ATP5MF: variants seen among roughly 807,000 people sequenced by gnomAD.
ATP5MF encodes ATP synthase F(0) complex subunit f, mitochondrial.
ATP5MF carries 10 observed loss-of-function variants against 13.8 expected under a neutral mutation model. The observed-to-expected ratio is 0.72, with a 90% CI of 0.45 to 1.23. The LOEUF (loss-of-function observed/expected upper bound fraction) is 1.23, where lower values mean the gene tolerates loss of function less well. Ranked by LOEUF, ATP5MF falls within the 50% of genes most tolerant of loss-of-function variation. The pLI, the probability that ATP5MF is intolerant of heterozygous loss-of-function variation, is 0.00. For missense variants in ATP5MF, 122 were observed against 118.2 expected (o/e 1.03, Z -0.15); for synonymous variants, 40 against 45.8 (o/e 0.87, Z 0.51).
chr7:99,462,958 G>A (rs1798684362), intron 1 of ATP5MF, among the ~76,000 whole-genome samples: 2 of 152,230 alleles, frequency 1.3e-5, no homozygotes, highest in Admixed American at 6.5e-5. Flanking sequence ...AGACCCTTGG[G>A]TCTAGTGCCA....
At chr7:99,465,282 A>AC (rs1798819343) in intron 1 of ATP5MF, among the ~76,000 whole-genome samples, 1 of 152,014 alleles carries the variant, frequency 6.6e-6, no homozygotes, top group South Asian at 2.1e-4. Context: ...ATAAAAAAAA[A>AC]CCAGAAACTG....
intron 1 of ATP5MF, among the ~76,000 whole-genome samples, chr7:99,464,306 G>A (rs1390517153): frequency 6.6e-6 from 1 of 152,192 alleles, no homozygotes; most frequent in East Asian, 1.9e-4. Context: ...TTACTGAGGG[G>A]AAAACAGCTT....
At chr7:99,461,019 G>A (rs967500879) in intron 1 of ATP5MF, among the ~76,000 whole-genome samples, 2 of 152,242 alleles carry the variant, frequency 1.3e-5, no homozygotes, top group African/African-American at 2.4e-5. Context: ...GCCCCAGATC[G>A]TATTCCAATG....
At chr7:99,459,117 C>T in intron 3 of ATP5MF, 30 bp downstream of exon 3, 1 of 1,561,594 alleles carries the variant, frequency 6.4e-7, no homozygotes, top group Non-Finnish European at 8.8e-7. Context: ...CTCATGGGAA[C>T]TAAAGGCAAG....
intron 3 of ATP5MF, among the ~76,000 whole-genome samples, chr7:99,458,641 G>A (rs1234894666): frequency 2.0e-5 from 3 of 152,044 alleles, no homozygotes; most frequent in Non-Finnish European, 2.9e-5. Context: ...AGGCAGGACC[G>A]CCCTGGTGCC....
chr7:99,460,454 C>G (rs1249094779), intron 1 of ATP5MF: 1 of 683,370 alleles, frequency 1.5e-6, no homozygotes, highest in East Asian at 2.9e-5. Flanking sequence ...GGGAGTAACT[C>G]CAGAAAAGGG....
intron 2 of ATP5MF, 72 bp from the exon 3 acceptor site, chr7:99,459,335 C>A: frequency 8.7e-7 from 1 of 1,148,230 alleles, no homozygotes; most frequent in South Asian, 1.2e-5. Context: ...ACAGTTGAGT[C>A]TGGCTGACAT....
chr7:99,460,424 C>A, intron 1 of ATP5MF: 1 of 696,234 alleles, frequency 1.4e-6, no homozygotes, highest in South Asian at 1.4e-5. Flanking sequence ...ACCAACAGGA[C>A]GTCTGAGTAA....
chr7:99,458,463 CAGAGAT>C (rs1302036190), intron 3 of ATP5MF, 108 bp from the exon 4 acceptor site: 1 of 1,196,730 alleles, frequency 8.4e-7, no homozygotes, highest in Non-Finnish European at 1.2e-6. Flanking sequence ...GAATTCCCTT[CAGAGAT>C]GACCCATGAC....
At chr7:99,459,980 G>T in intron 2 of ATP5MF, 106 bp downstream of exon 2, 3 of 1,300,294 alleles carry the variant, frequency 2.3e-6, no homozygotes, top group Non-Finnish European at 3.2e-6. Context: ...ATAACTTACT[G>T]CTTTCAGACA....
chr7:99,465,707 A>C (rs1408464625), intron 1 of ATP5MF, among the ~76,000 whole-genome samples: 3 of 152,228 alleles, frequency 2.0e-5, no homozygotes, highest in African/African-American at 7.2e-5. Context: ...GTACAGTCCT[A>C]GTCCTGAGCT....
chr7:99,459,921 A>G (rs1256517111), intron 2 of ATP5MF, 165 bp downstream of exon 2: 16 of 750,928 alleles, frequency 2.1e-5, no homozygotes, highest in Admixed American at 5.6e-5. Context: ...GAAAGGGCCA[A>G]TCAACCACAG....
chr7:99,459,086 G>A (rs1798474621), intron 3 of ATP5MF, 61 bp downstream of exon 3: 6 of 1,316,376 alleles, frequency 4.6e-6, no homozygotes, highest in Middle Eastern at 2.6e-4. Context: ...TGTATCTAAT[G>A]AAATCAGTCA....
chr7:99,464,426 G>A (rs1798751810), intron 1 of ATP5MF, among the ~76,000 whole-genome samples: 1 of 152,240 alleles, frequency 6.6e-6, no homozygotes. Context: ...CACTTTGGGA[G>A]GCTGAGGTGG....
chr7:99,459,206 A>T lies in ATP5MF; in HGVS notation c.197T>A (p.Ile66Asn), dbSNP rs1554369167. The T allele has an allele frequency of 6.2e-7, 1 of 1,614,058 alleles. No homozygotes were observed. The highest frequency in any genetic ancestry group is 8.5e-7 in the Non-Finnish European group (1 of 1,180,032). ...INVKKGSISG[I>N]TMVLACYVLF... ...CACGTAGCATGCCAGCACCATGGTAATCCCCGAGATGCTCCCCTTCTTCAC... is the reference window on the plus strand; with the variant it reads ...CACGTAGCATGCCAGCACCATGGTATTCCCCGAGATGCTCCCCTTCTTCAC... The change falls in exon 3 of 4, where the codon ATT becomes AAT. Residue 66 changes from isoleucine to asparagine, a missense_variant. Physicochemically the swap from Ile to Asn is moderately radical, Grantham distance 149. Coordinates refer to ENST00000292475, the MANE Select transcript of ATP5MF (RefSeq NM_004889.5).
chr7:99,464,142 G>C (rs987173352), intron 1 of ATP5MF, among the ~76,000 whole-genome samples: 1 of 152,218 alleles, frequency 6.6e-6, no homozygotes, highest in Non-Finnish European at 1.5e-5. Flanking sequence ...GCCACGCAGC[G>C]TTCCAAGTGT....
chr7:99,464,882 C>A (rs994596726), intron 1 of ATP5MF, among the ~76,000 whole-genome samples: 2 of 151,416 alleles, frequency 1.3e-5, no homozygotes, highest in East Asian at 1.9e-4. Flanking sequence ...GCAGCAGAAT[C>A]ATTTGAACCT....
chr7:99,465,713 G>A (rs995904830), intron 1 of ATP5MF, among the ~76,000 whole-genome samples: 1 of 152,188 alleles, frequency 6.6e-6, no homozygotes, highest in African/African-American at 2.4e-5. Flanking sequence ...TCCTAGTCCT[G>A]AGCTCCTCCT....
intron 1 of ATP5MF, among the ~76,000 whole-genome samples, chr7:99,463,731 G>A (rs1241207228): frequency 7.2e-5 from 11 of 152,052 alleles, no homozygotes; most frequent in South Asian, 2.1e-4. Context: ...AGCTGAGATC[G>A]TGCTATTGCA....
Sources: allele counts gnomAD v4.1 joint callset (sites outside exome capture counted in the v4.1 genomes callset), GRCh38; gene constraint gnomAD v4.1.1; transcripts MANE v1.5; gene names NCBI Gene and HGNC (gene_info 2026-07-23, HGNC 2026-07-21).